CDKAL1: variants seen among roughly 807,000 people sequenced by gnomAD.
The protein encoded by CDKAL1 is CDKAL1 threonylcarbamoyladenosine tRNA methylthiotransferase, also known as threonylcarbamoyladenosine tRNA methylthiotransferase.
CDKAL1 carries 32 observed loss-of-function variants against 68.2 expected under a neutral mutation model. That is an observed-to-expected ratio of 0.47 (90% CI 0.35 to 0.63). The LOEUF is 0.63. CDKAL1 is among the 30% of genes least tolerant of loss of function. The pLI, the probability that CDKAL1 is intolerant of heterozygous loss-of-function variation, is 0.00. For missense variants in CDKAL1, 606 were observed against 696.7 expected, an observed-to-expected ratio of 0.87 and a Z score of 1.47; for synonymous variants, 234 against 244.3, an observed-to-expected ratio of 0.96 and a Z score of 0.39.
At chr6:20,582,972 G>C (rs1447168632) in intron 4 of CDKAL1, among the ~76,000 whole-genome samples, 2 of 152,070 alleles carry the variant, frequency 1.3e-5, no homozygotes, top group African/African-American at 2.4e-5. Flanking sequence ...AGTAGGACTG[G>C]AGAGAGTAAA....
chr6:20,774,395 A>G lies in CDKAL1; in HGVS notation c.518-6750A>G, dbSNP rs192690287. On this transcript the variant is annotated intron_variant, in intron 7 of 15. Coordinates refer to ENST00000274695, the MANE Select transcript of CDKAL1 (RefSeq NM_017774.3). The stretch of plus-strand genomic sequence containing the variant: ...ATATTTTGTAGCTAGTTATGTTTCT[A>G]TCACTCAATTAATATATGTCTTTAT... Among the ~76,000 whole-genome samples the G allele has an allele frequency of 7.2e-5, 11 of 152,298 alleles. No individual in the cohort carries two copies. The East Asian group carries it at 7.7e-4, about 11-fold the overall frequency.
At chr6:21,198,174 G>T in intron 14 of CDKAL1, 70 bp downstream of exon 14, 2 of 996,248 alleles carry the variant, frequency 2.0e-6, no homozygotes, top group Admixed American at 2.1e-5. Context: ...TAAGCAAAGG[G>T]CATTTAAAGG....
intron 13 of CDKAL1, among the ~76,000 whole-genome samples, chr6:21,193,147 T>G (rs1025625817): frequency 6.6e-6 from 1 of 152,138 alleles, no homozygotes; most frequent in African/African-American, 2.4e-5. Flanking sequence ...TTTGGCAGGC[T>G]TCTTTAAGGA....
intron 11 of CDKAL1, among the ~76,000 whole-genome samples, chr6:21,011,572 G>A (rs907353917): frequency 2.6e-5 from 4 of 152,198 alleles, no homozygotes; most frequent in Admixed American, 2.0e-4. Context: ...CTTGGTAACT[G>A]TCTTTTAGGG....
intron 11 of CDKAL1, among the ~76,000 whole-genome samples, chr6:21,007,055 A>G (rs1767763111): frequency 6.6e-6 from 1 of 152,150 alleles, no homozygotes; most frequent in Non-Finnish European, 1.5e-5. Context: ...ATATTAACTC[A>G]TTATGTTACC....
chr6:20,992,560 A>G (rs1766885493), intron 10 of CDKAL1, among the ~76,000 whole-genome samples: 1 of 152,134 alleles, frequency 6.6e-6, no homozygotes, highest in African/African-American at 2.4e-5. Context: ...GAAATGATAT[A>G]TTTAATAAAT....
intron 5 of CDKAL1, among the ~76,000 whole-genome samples, chr6:20,674,793 TCA>T (rs1486903747): frequency 7.9e-5 from 12 of 152,214 alleles, no homozygotes; most frequent in Admixed American, 7.9e-4. Flanking sequence ...TATTTAGCTC[TCA>T]CACATGAGTG....
At chr6:20,836,083 TGAAAAAG>T (rs1777927999) in intron 8 of CDKAL1, among the ~76,000 whole-genome samples, 1 of 152,100 alleles carries the variant, frequency 6.6e-6, no homozygotes, top group Non-Finnish European at 1.5e-5. Flanking sequence ...CCTATGTAGA[TGAAAAAG>T]GAAAGCAGGA....
chr6:20,801,608 T>C lies in CDKAL1; in HGVS notation c.638+20343T>C, dbSNP rs1776367344. Among the ~76,000 whole-genome samples, 3 of 152,268 alleles carry C rather than the reference T, an allele frequency of 2.0e-5. No homozygotes were observed. In the South Asian group the frequency reaches 6.2e-4, roughly 32 times the overall value. On this transcript the variant is annotated intron_variant, in intron 8 of 15. Coordinates refer to ENST00000274695, the MANE Select transcript of CDKAL1 (RefSeq NM_017774.3). The stretch of plus-strand genomic sequence containing the variant: ...AGTATTTGTAGGATTTTATGTAAAA[T>C]TTTGAAACCATGGAATATATACATC...
At chr6:21,031,783 C>T (rs1769304103) in intron 11 of CDKAL1, among the ~76,000 whole-genome samples, 3 of 152,014 alleles carry the variant, frequency 2.0e-5, no homozygotes, top group African/African-American at 4.8e-5. Flanking sequence ...TTTTTCAGTG[C>T]GTTATTTGCA....
chr6:20,789,894 CAT>C (rs1775825128), intron 8 of CDKAL1, among the ~76,000 whole-genome samples: 2 of 152,114 alleles, frequency 1.3e-5, no homozygotes, highest in Admixed American at 1.3e-4. Context: ...TTATTTATTT[CAT>C]ATGTTTGTTC....
rs181151231 is a variant in CDKAL1 at position 20,904,615 on chromosome 6, C to T, written c.743-50804C>T. On this transcript the variant is annotated intron_variant, in intron 9 of 15. Transcript: ENST00000274695. ...GACCAGCCTGACCAACATGGAGAAA[C>T]CCCATCTCTACTAAAAATACAAAAT... 1.3e-3 allele frequency among the ~76,000 whole-genome samples: 204 copies of T among 152,156 alleles called. 1 individual carries two copies. Among genetic ancestry groups the T allele is most frequent in the Admixed American group, 2.4e-3 (36 of 15,284 alleles).
chr6:21,044,473 TTGG>T (rs2150900787), intron 11 of CDKAL1, among the ~76,000 whole-genome samples: 1 of 152,304 alleles, frequency 6.6e-6, no homozygotes, highest in East Asian at 1.9e-4. Context: ...GCTTCTTACA[TTGG>T]TGGTCACAGA....
At chr6:20,597,676 A>G (rs1765893702) in intron 4 of CDKAL1, among the ~76,000 whole-genome samples, 1 of 152,172 alleles carries the variant, frequency 6.6e-6, no homozygotes, top group Non-Finnish European at 1.5e-5. Flanking sequence ...CGGCCTCCCA[A>G]AGTGCTGGGA....
chr6:20,867,421 C>A (rs552847988), intron 9 of CDKAL1, among the ~76,000 whole-genome samples: 7 of 152,312 alleles, frequency 4.6e-5, no homozygotes, highest in African/African-American at 1.7e-4. Flanking sequence ...GTGTGATTCA[C>A]ACCAGCATGA....
chr6:20,613,822 C>G (rs1354151147), intron 4 of CDKAL1, among the ~76,000 whole-genome samples: 1 of 151,908 alleles, frequency 6.6e-6, no homozygotes, highest in Non-Finnish European at 1.5e-5. Context: ...TTTAGACTAT[C>G]TGGAAGTGTA....
Position 21,195,851 on chromosome 6 carries a change from C to A in CDKAL1, c.1300-2170C>A, listed in dbSNP as rs958236398. Among the ~76,000 whole-genome samples the A allele has an allele frequency of 2.0e-5, 3 of 152,102 alleles. No individual in the cohort carries two copies. In the East Asian group the frequency reaches 5.8e-4, roughly 29 times the overall value. On this transcript the variant is annotated intron_variant, in intron 13 of 15. Transcript: ENST00000274695. ...AGGGCCTTGCCAATGAGACTGGGGA[C>A]ACAAATAGGATGACTCCTCAGTTGA...
intron 12 of CDKAL1, among the ~76,000 whole-genome samples, chr6:21,098,043 TTGAG>T (rs1279152227): frequency 1.3e-5 from 2 of 152,174 alleles, no homozygotes; most frequent in Non-Finnish European, 2.9e-5. Flanking sequence ...GAAAGCTCTA[TTGAG>T]TTCAGTGGCC....
At position 20,546,399 on chromosome 6, in the gene CDKAL1, G is replaced by A. The variant is rs560146971; in HGVS notation, c.49G>A (p.Val17Met). 59 of 1,613,890 alleles carry A rather than the reference G, an allele frequency of 3.7e-5. No homozygotes were observed. The South Asian group carries it at 4.9e-4, about 14-fold the overall frequency. ...ACTACTGGATGACATCGAAGATATC[G>A]TGTCTCAGGAAGATTCAAAACCACA... ...DTLLDDIEDI[V>M]SQEDSKPQDR... Residue 17 changes from valine (V) to methionine (M), a missense_variant, in exon 3 of 16, where the codon GTG becomes ATG. By Grantham distance (21) the Val-to-Met change is conservative (BLOSUM62 1). Coordinates refer to ENST00000274695, the MANE Select transcript of CDKAL1 (RefSeq NM_017774.3).
Sources: gnomAD v4.1 joint callset for allele counts (sites outside exome capture counted in the v4.1 genomes callset) on GRCh38, gnomAD v4.1.1 for gene constraint, MANE v1.5 for transcripts, NCBI Gene and HGNC (gene_info 2026-07-23, HGNC 2026-07-21) for gene names.